Variants in SCFD1 observed in about 807,000 individuals in gnomAD.
SCFD1 encodes sec1 family domain-containing protein 1.
Under a neutral mutation model 103.2 loss-of-function variants are expected in SCFD1, and 37 were observed. The observed-to-expected ratio is 0.36, with a 90% confidence interval of 0.28 to 0.47. SCFD1 has a LOEUF of 0.47. Ranked by LOEUF, SCFD1 falls within the 20% of genes least tolerant of loss-of-function variation. SCFD1 has a pLI of 1.00. For synonymous variants in SCFD1, 264 were observed against 245.0 expected, an observed-to-expected ratio of 1.08 and a Z score of -0.73; for missense variants, 639 against 761.2, an observed-to-expected ratio of 0.84 and a Z score of 1.89.
At chr14:30,643,829 T>C (rs1005338783) in intron 7 of SCFD1, 11 of 415,150 alleles carry the variant, frequency 2.6e-5, no homozygotes, top group Non-Finnish European at 5.2e-5. Context: ...AATCTACCTA[T>C]ACCTTCAAAT....
In SCFD1 at chr14:30,697,069, G is replaced by C. The variant is rs113776370; in HGVS notation, c.1339+2200G>C. The stretch of plus-strand genomic sequence containing the variant: ...AGAAATAAATATAGATTGTATGTTG[G>C]GGGGGGCGGTGTATACTCATGTATT... On this transcript the variant is annotated intron_variant, in intron 15 of 24. Coordinates refer to ENST00000458591, the MANE Select transcript of SCFD1 (RefSeq NM_016106.4). 1.1e-4 allele frequency among the ~76,000 whole-genome samples: 16 copies of C among 145,782 alleles called. 1 individual carries two copies. Among genetic ancestry groups the C allele is most frequent in the South Asian group, 4.2e-4 (2 of 4,804 alleles).
At chr14:30,634,368 CATTACAGAATATATTTTAT>C (rs1231105894) in intron 4 of SCFD1, among the ~76,000 whole-genome samples, 6 of 152,038 alleles carry the variant, frequency 3.9e-5, no homozygotes, top group African/African-American at 1.4e-4. Context: ...TAATATATTT[CATTACAGAATATATTTTAT>C]AATTGCTCTA....
intron 6 of SCFD1, among the ~76,000 whole-genome samples, chr14:30,643,004 C>T (rs978884808): frequency 5.9e-5 from 9 of 151,946 alleles, no homozygotes; most frequent in African/African-American, 2.2e-4. Flanking sequence ...AGACCCATCT[C>T]TACAAAAAAA....
At chr14:30,663,088 A>C (rs1887595379) in intron 10 of SCFD1, among the ~76,000 whole-genome samples, 1 of 152,220 alleles carries the variant, frequency 6.6e-6, no homozygotes, top group African/African-American at 2.4e-5. Context: ...CCTTACTATT[A>C]TGCAAACAAT....
chr14:30,674,180 G>A (rs1039164092), intron 13 of SCFD1, among the ~76,000 whole-genome samples, 183 bp downstream of exon 13: 2 of 152,128 alleles, frequency 1.3e-5, no homozygotes, highest in African/African-American at 4.8e-5. Flanking sequence ...TTCCCTCTTA[G>A]ATATAGGAGA....
chr14:30,652,146 C>T (rs1333155984), intron 9 of SCFD1, among the ~76,000 whole-genome samples: 2 of 152,146 alleles, frequency 1.3e-5, no homozygotes, highest in Non-Finnish European at 2.9e-5. Context: ...ATCCACTGTC[C>T]TATACCCAGA....
intron 7 of SCFD1, among the ~76,000 whole-genome samples, chr14:30,648,486 A>C (rs1005846830): frequency 1.3e-5 from 2 of 152,194 alleles, no homozygotes; most frequent in Non-Finnish European, 2.9e-5. Flanking sequence ...AAAAACTACA[A>C]TTTTTTATTG....
At chr14:30,671,650 A>T (rs542999970) in intron 11 of SCFD1, among the ~76,000 whole-genome samples, 1 of 152,286 alleles carries the variant, frequency 6.6e-6, no homozygotes, top group Admixed American at 6.5e-5. Flanking sequence ...TACATACAAT[A>T]GTAACATGGG....
intron 11 of SCFD1, among the ~76,000 whole-genome samples, chr14:30,670,661 G>T (rs1017655098): frequency 6.6e-6 from 1 of 151,692 alleles, no homozygotes; most frequent in African/African-American, 2.4e-5. Context: ...TTTCAATTTT[G>T]TTGCTGTCTC....
At chr14:30,622,442 C>A (rs1404226822) in intron 1 of SCFD1, 43 bp downstream of exon 1, 1 of 1,548,114 alleles carries the variant, frequency 6.5e-7, no homozygotes, top group East Asian at 2.4e-5. Context: ...GTGACTGCCC[C>A]GACGACATCC....
intron 19 of SCFD1, among the ~76,000 whole-genome samples, chr14:30,711,701 T>G (rs777388802): frequency 6.6e-6 from 1 of 152,086 alleles, no homozygotes; most frequent in Non-Finnish European, 1.5e-5. Context: ...TTATGTAATA[T>G]TATAACTTAT....
intron 11 of SCFD1, among the ~76,000 whole-genome samples, chr14:30,672,196 T>C (rs1241867470): frequency 1.3e-5 from 2 of 151,916 alleles, no homozygotes; most frequent in Non-Finnish European, 2.9e-5. Context: ...CCTGAGAGGG[T>C]AAGAGCTTGC....
At chr14:30,669,163 A>G (rs762950583) in intron 10 of SCFD1, among the ~76,000 whole-genome samples, 8 of 152,140 alleles carry the variant, frequency 5.3e-5, no homozygotes, top group Admixed American at 2.6e-4. Context: ...GGTTTATGTT[A>G]AGGACCTAGA....
intron 17 of SCFD1, among the ~76,000 whole-genome samples, chr14:30,705,321 A>G (rs1258048128): frequency 1.3e-5 from 2 of 152,232 alleles, no homozygotes; most frequent in African/African-American, 4.8e-5. Flanking sequence ...CCTGGAAACA[A>G]GGGAGCATAG....
intron 15 of SCFD1, 27 bp downstream of exon 15, chr14:30,694,896 G>T (rs1361434612): frequency 9.5e-6 from 15 of 1,571,072 alleles, no homozygotes; most frequent in Non-Finnish European, 1.3e-5. Context: ...TGAGGTTAAT[G>T]TAAGTTTCAT....
At chr14:30,714,918 T>C (rs1005405736) in intron 19 of SCFD1, among the ~76,000 whole-genome samples, 6 of 152,234 alleles carry the variant, frequency 3.9e-5, no homozygotes, top group Admixed American at 6.5e-5. Context: ...ATTTGACTTA[T>C]GTTCAAAATA....
intron 18 of SCFD1, 111 bp downstream of exon 18, chr14:30,705,996 C>T: frequency 1.3e-6 from 1 of 778,904 alleles, no homozygotes; most frequent in Non-Finnish European, 2.1e-6. Flanking sequence ...TGTCACCATG[C>T]CTTTGGTGAC....
At chr14:30,695,798 G>A (rs962691510) in intron 15 of SCFD1, among the ~76,000 whole-genome samples, 3 of 152,082 alleles carry the variant, frequency 2.0e-5, no homozygotes, top group African/African-American at 7.2e-5. Flanking sequence ...GTTGAGCCTA[G>A]GAGTACGATG....
intron 13 of SCFD1, among the ~76,000 whole-genome samples, 200 bp downstream of exon 13, chr14:30,674,197 A>G (rs1888814948): frequency 6.6e-6 from 1 of 152,220 alleles, no homozygotes; most frequent in Non-Finnish European, 1.5e-5. Flanking sequence ...GAGATTATTC[A>G]TTCTTTCACC....
Sources: allele counts gnomAD v4.1 joint callset (sites outside exome capture counted in the v4.1 genomes callset), GRCh38; gene constraint gnomAD v4.1.1; transcripts MANE v1.5; gene names NCBI Gene and HGNC (gene_info 2026-07-23, HGNC 2026-07-21).